DIAPH2: variants seen among roughly 807,000 people sequenced by gnomAD.
DIAPH2 encodes diaphanous related formin 2.
DIAPH2 carries 35 observed loss-of-function variants against 92.7 expected under a neutral mutation model. The ratio of observed to expected loss-of-function variants is 0.38; its 90% CI spans 0.29 to 0.50. DIAPH2 has a LOEUF of 0.50. Among genes scored for constraint, DIAPH2 ranks in the 20% least tolerant of loss-of-function variants. The pLI is 0.94. For synonymous variants in DIAPH2, 301 were observed against 280.4 expected (o/e 1.07, Z -0.73); for missense variants, 701 against 819.5 (o/e 0.86, Z 1.77).
At chrX:97,074,080 A>G (rs761463842) in intron 18 of DIAPH2, among the ~76,000 whole-genome samples, 1 of 111,800 alleles carries the variant, frequency 8.9e-6, no homozygotes, top group Non-Finnish European at 1.9e-5. Flanking sequence ...AGACCTTTTC[A>G]TGAAAAAAAG....
chrX:96,945,680 A>G (rs20368), intron 14 of DIAPH2, 89 bp downstream of exon 14: 9,584 of 619,172 alleles, frequency 0.015, 72 homozygotes, highest in Middle Eastern at 0.036. Flanking sequence ...GAGGGCTTCT[A>G]AATGTTTCAT....
At chrX:97,098,472 A>G (rs1245143141) in intron 19 of DIAPH2, among the ~76,000 whole-genome samples, 2 of 112,327 alleles carry the variant, frequency 1.8e-5, no homozygotes, top group Non-Finnish European at 3.8e-5. Flanking sequence ...TTTTGTATCT[A>G]TTTTGTTTTA....
intron 21 of DIAPH2, among the ~76,000 whole-genome samples, chrX:97,139,966 A>G (rs2067199133): frequency 9.0e-6 from 1 of 110,695 alleles, no homozygotes. Context: ...ATGTACTTGT[A>G]CAATTTGATG....
intron 22 of DIAPH2, among the ~76,000 whole-genome samples, chrX:97,239,434 C>G (rs2068074184): frequency 9.0e-6 from 1 of 111,424 alleles, no homozygotes; most frequent in Admixed American, 9.6e-5. Flanking sequence ...ACATATAACT[C>G]AAGAGAGTAC....
intron 21 of DIAPH2, among the ~76,000 whole-genome samples, chrX:97,115,283 C>G (rs2067008398): frequency 9.0e-6 from 1 of 111,464 alleles, no homozygotes; most frequent in South Asian, 3.8e-4. Flanking sequence ...CACCTGTAAT[C>G]CCAGCACTTT....
chrX:97,333,376 CATT>C (rs2069018581), intron 23 of DIAPH2, among the ~76,000 whole-genome samples: 1 of 111,411 alleles, frequency 9.0e-6, no homozygotes, highest in Non-Finnish European at 1.9e-5. Context: ...TAAAACTAGT[CATT>C]ATTCTCTGCC....
intron 4 of DIAPH2, among the ~76,000 whole-genome samples, chrX:96,842,966 A>G (rs2064946669): frequency 9.0e-6 from 1 of 111,637 alleles, no homozygotes; most frequent in Non-Finnish European, 1.9e-5. Flanking sequence ...GGTGAATACT[A>G]AATTTTGGGA....
At chrX:96,822,720 TAAAA>T (rs1355443073) in intron 4 of DIAPH2, among the ~76,000 whole-genome samples, 1 of 111,987 alleles carries the variant, frequency 8.9e-6, no homozygotes, top group Non-Finnish European at 1.9e-5. Flanking sequence ...AAGTAGAAGA[TAAAA>T]GAATATATTT....
intron 4 of DIAPH2, among the ~76,000 whole-genome samples, chrX:96,815,411 G>A (rs1055950410): frequency 9.0e-6 from 1 of 111,460 alleles, no homozygotes; most frequent in Admixed American, 9.5e-5. Context: ...AGAGTGTCCC[G>A]TTTTTTTAGG....
At chrX:96,759,935 A>G (rs1488292956) in intron 4 of DIAPH2, among the ~76,000 whole-genome samples, 1 of 111,825 alleles carries the variant, frequency 8.9e-6, no homozygotes, top group Non-Finnish European at 1.9e-5. Context: ...AATTGGATAA[A>G]TATTAGATGA....
At chrX:97,391,669 C>T (rs1167531446) in intron 25 of DIAPH2, among the ~76,000 whole-genome samples, 1 of 111,055 alleles carries the variant, frequency 9.0e-6, no homozygotes, top group African/African-American at 3.3e-5. Flanking sequence ...CACTTCTCCC[C>T]CAACCTTTTT....
intron 17 of DIAPH2, among the ~76,000 whole-genome samples, chrX:97,044,194 A>G (rs1404356666): frequency 3.6e-5 from 4 of 112,026 alleles, no homozygotes; most frequent in Admixed American, 2.8e-4. Context: ...TCATTTTGCA[A>G]TAAAAGAAAA....
chrX:97,225,886 G>A lies in DIAPH2; in HGVS notation c.2720-21829G>A, dbSNP rs140280406. Reference sequence around the variant, plus strand: ...TGATGACCTGCACATAATTTTGTTGGCAATCTTAATTTTAACATCAGAGAT... The same window carrying A: ...TGATGACCTGCACATAATTTTGTTGACAATCTTAATTTTAACATCAGAGAT... On this transcript the variant is annotated intron_variant, in intron 22 of 26. Coordinates refer to ENST00000324765, the MANE Select transcript of DIAPH2 (RefSeq NM_006729.5). Among the ~76,000 whole-genome samples the A allele has an allele frequency of 3.2e-4, 36 of 111,787 alleles. No individual in the cohort carries two copies. The East Asian group carries it at 9.3e-3, about 29-fold the overall frequency.
intron 22 of DIAPH2, among the ~76,000 whole-genome samples, chrX:97,173,939 A>G (rs1450628202): frequency 9.3e-6 from 1 of 107,568 alleles, no homozygotes; most frequent in Non-Finnish European, 1.9e-5. Context: ...AAGGAGTTAA[A>G]TAGAATAGTA....
chrX:97,479,756 T>A (rs1379398826), intron 26 of DIAPH2, among the ~76,000 whole-genome samples: 4 of 111,267 alleles, frequency 3.6e-5, no homozygotes, highest in South Asian at 3.8e-4. Flanking sequence ...TTTTTTTTTT[T>A]ATCATTTTTT....
intron 23 of DIAPH2, among the ~76,000 whole-genome samples, chrX:97,333,028 C>G (rs1294030343): frequency 8.9e-6 from 1 of 111,912 alleles, no homozygotes; most frequent in Admixed American, 9.5e-5. Context: ...ACTGTTAGCA[C>G]AGACTGCAGG....
rs191922748 is a variant in DIAPH2 at position 97,497,658 on chromosome X, T to A, written c.3241+67913T>A. On this transcript the variant is annotated intron_variant, in intron 26 of 26. Coordinates refer to ENST00000324765, the MANE Select transcript of DIAPH2 (RefSeq NM_006729.5). ...CCATCTCTACTAAGAATACAAAAAT[T>A]AGCGAGGTATATTGGCACATGGCTT... Among the ~76,000 whole-genome samples, 31 of 110,213 alleles carry A rather than the reference T, an allele frequency of 2.8e-4. 1 individual carries two copies. Among genetic ancestry groups the A allele is most frequent in the African/African-American group, 9.3e-4 (28 of 30,251 alleles).
intron 18 of DIAPH2, among the ~76,000 whole-genome samples, chrX:97,073,847 A>C (rs1355728889): frequency 4.4e-5 from 5 of 112,507 alleles, no homozygotes; most frequent in African/African-American, 1.6e-4. Flanking sequence ...GAAGCAGTTT[A>C]TCAGTAGCTG....
Position 96,942,071 on chromosome X carries a change from G to A in DIAPH2, c.1379G>A (p.Cys460Tyr), listed in dbSNP as rs1288166969. The A allele has an allele frequency of 8.4e-7, 1 of 1,196,994 alleles. No homozygotes were observed. Among genetic ancestry groups the A allele is most frequent in the African/African-American group, 1.7e-5 (1 of 57,538 alleles). Residue 460 changes from cysteine (C) to tyrosine (Y), a missense_variant, in exon 13 of 27, where the codon TGC becomes TAC. Cys to Tyr is a radical substitution (Grantham distance 194). Transcript: ENST00000324765. Reference protein sequence around the residue: ...EECVSQIVLHCSGMDPDFKYR... With the variant: ...EECVSQIVLHYSGMDPDFKYR... Reference sequence around the variant, plus strand: ...TGTGTTTCACAGATAGTGCTACACTGCAGTGGTATGGATCCAGACTTCAAA... The same window carrying A: ...TGTGTTTCACAGATAGTGCTACACTACAGTGGTATGGATCCAGACTTCAAA...
Sources: gnomAD v4.1 joint callset for allele counts (sites outside exome capture counted in the v4.1 genomes callset) on GRCh38, gnomAD v4.1.1 for gene constraint, MANE v1.5 for transcripts, NCBI Gene and HGNC (gene_info 2026-07-23, HGNC 2026-07-21) for gene names.